RIMS3: variants seen among roughly 807,000 people sequenced by gnomAD.
RIMS3 encodes regulating synaptic membrane exocytosis protein 3.
RIMS3 carries 15 observed loss-of-function variants against 29.2 expected under a neutral mutation model. The observed-to-expected ratio is 0.51, with a 90% CI of 0.34 to 0.79. The LOEUF (loss-of-function observed/expected upper bound fraction) is 0.79, where lower values mean the gene tolerates loss of function less well. Ranked by LOEUF, RIMS3 falls within the 30% of genes least tolerant of loss-of-function variation. The pLI is 0.01. For missense variants in RIMS3, 342 were observed against 421.4 expected (o/e 0.81, Z 1.65); for synonymous variants, 161 against 170.1 (o/e 0.95, Z 0.41).
chr1:40,667,604 G>T (rs971697703), upstream of RIMS3, among the ~76,000 whole-genome samples: 6 of 152,184 alleles, frequency 3.9e-5, no homozygotes, highest in Non-Finnish European at 5.9e-5. Context: ...ATGGGAGGTG[G>T]GTGGAGAGGG....
At chr1:40,680,234 A>C in the RIMS3 span, among the ~76,000 whole-genome samples, 1 of 152,126 alleles carries the variant, frequency 6.6e-6, no homozygotes, top group South Asian at 2.1e-4. Context: ...TACAAGCATC[A>C]TGGAAAACTC....
intron 1 of RIMS3, among the ~76,000 whole-genome samples, chr1:40,650,799 G>A (rs1233288918): frequency 7.5e-6 from 1 of 133,562 alleles, no homozygotes; most frequent in Non-Finnish European, 1.5e-5. Context: ...CTAGGAGGCA[G>A]AAGTTGTAGT....
intron 7 of RIMS3, among the ~76,000 whole-genome samples, chr1:40,627,599 TTTTTTA>T (rs1174820318): frequency 6.6e-6 from 1 of 151,256 alleles, no homozygotes; most frequent in African/African-American, 2.4e-5. Context: ...CCGCAGTTCT[TTTTTTA>T]TTTTTAATTT....
At position 40,643,941 on chromosome 1, in the gene RIMS3, C is replaced by A. The variant is rs1055035142; in HGVS notation, c.-31-1985G>T. On this transcript the variant is annotated intron_variant, in intron 2 of 7. Coordinates refer to ENST00000372684, the MANE Select transcript of RIMS3 (RefSeq NM_014747.3). ...GGGCTGGTTTTGTCCAGGTACCACC[C>A]ACCCCTTGTTTTAGAGGCAGATCTT... Among the ~76,000 whole-genome samples, 3 of 152,182 alleles carry A rather than the reference C, an allele frequency of 2.0e-5. No homozygotes were observed. The East Asian group carries it at 5.8e-4, about 29-fold the overall frequency.
chr1:40,656,011 AAAAC>A (rs563773330), intron 1 of RIMS3, among the ~76,000 whole-genome samples: 202 of 152,074 alleles, frequency 1.3e-3, no homozygotes, highest in African/African-American at 3.0e-3. Context: ...TCCGTCTCAA[AAAAC>A]AAACAAACAA....
chr1:40,629,572 G>A (rs1646476730), intron 5 of RIMS3, among the ~76,000 whole-genome samples, 200 bp from the exon 6 acceptor site: 3 of 152,172 alleles, frequency 2.0e-5, no homozygotes, highest in Non-Finnish European at 4.4e-5. Context: ...GTCCCTTGGG[G>A]TGGGTTGGGG....
At chr1:40,690,980 G>A in the RIMS3 span, 1 of 152,192 alleles carries the variant, frequency 6.6e-6, no homozygotes, top group African/African-American at 2.4e-5. Flanking sequence ...CTTAGATCAA[G>A]TTACTTAACC....
chr1:40,676,580 A>G, the RIMS3 span, among the ~76,000 whole-genome samples: 4 of 152,082 alleles, frequency 2.6e-5, no homozygotes, highest in South Asian at 8.3e-4. Flanking sequence ...TACCCCCTTA[A>G]TACTTTTCTG....
rs187876834 is a variant in RIMS3 at position 40,637,662 on chromosome 1, C to T, written c.218-1605G>A. On this transcript the variant is annotated intron_variant, in intron 3 of 7. Coordinates refer to ENST00000372684, the MANE Select transcript of RIMS3 (RefSeq NM_014747.3). ...AGTCACACAGTCACAAATGGTCCTA[C>T]CAGGTCTTGGTCACATGTACACATG... 3.9e-4 allele frequency among the ~76,000 whole-genome samples: 59 copies of T among 152,306 alleles called. 1 individual carries two copies. In the East Asian group the frequency reaches 8.7e-3, roughly 22 times the overall value.
chr1:40,690,531 G>C, the RIMS3 span: 5 of 152,192 alleles, frequency 3.3e-5, no homozygotes, highest in African/African-American at 4.8e-5. Context: ...TTAGGAATTA[G>C]ATCTTTTTAC....
chr1:40,620,684 T>C lies in RIMS3; in HGVS notation c.*5833A>G, dbSNP rs930860968. The C allele has an allele frequency of 6.6e-6, 1 of 152,632 alleles. No homozygotes were observed. The highest frequency in any genetic ancestry group is 1.5e-5 in the Non-Finnish European group (1 of 68,048). The allele number at this position is 152,632 out of a possible 1,614,324, so 9.5% of individuals were successfully genotyped here. On this transcript the variant is annotated 3_prime_UTR_variant, in exon 8 of 8. Transcript: ENST00000372684. Reference sequence around the variant, plus strand: ...TACAGAAAGCAACACATGAAACCATTTTCAAACTGACTTTAATCATGTTTT... The same window carrying C: ...TACAGAAAGCAACACATGAAACCATCTTCAAACTGACTTTAATCATGTTTT...
intron 5 of RIMS3, 24 bp from the exon 6 acceptor site, chr1:40,629,396 C>G (rs1307090879): frequency 6.3e-7 from 1 of 1,592,800 alleles, no homozygotes. Context: ...GAGGGTGAGT[C>G]CAGGCAGGGC....
rs1331379394 is a variant in RIMS3, at chr1:40,624,888, G to A, written c.*1629C>T. ...GCGTACCCCTGCCTCAGGTGCTGGG[G>A]CCACAGCCATTTCAGCACCTGGGGA... On this transcript the variant is annotated 3_prime_UTR_variant, in exon 8 of 8. Coordinates refer to ENST00000372684, the MANE Select transcript of RIMS3 (RefSeq NM_014747.3). The A allele has an allele frequency of 6.6e-6, 1 of 152,612 alleles. No homozygotes were observed. 9.5% of individuals were successfully genotyped at this position (152,612 alleles called of 1,614,324 possible).
At position 40,625,724 on chromosome 1, in the gene RIMS3, G is replaced by C. The variant is rs1570166470; in HGVS notation, c.*793C>G. On this transcript the variant is annotated 3_prime_UTR_variant, in exon 8 of 8. Transcript: ENST00000372684. The stretch of plus-strand genomic sequence containing the variant: ...AGTGGGGAGGCTTGAAGAGACAGGA[G>C]ATGAAGAACAAATGCTAAGGGGGCA... 1 of 152,858 alleles carries C rather than the reference G, an allele frequency of 6.5e-6. No homozygotes were observed. The highest frequency in any genetic ancestry group is 2.1e-4 in the South Asian group (1 of 4,836). 9.5% of individuals were successfully genotyped at this position (152,858 alleles called of 1,614,324 possible).
At chr1:40,690,943 G>A in the RIMS3 span, 1 of 152,176 alleles carries the variant, frequency 6.6e-6, no homozygotes, top group Admixed American at 6.5e-5. Context: ...ATTCGGATGG[G>A]GTTTTGACAC....
At position 40,625,565 on chromosome 1, in the gene RIMS3, T is replaced by G. The variant is rs1434150959; in HGVS notation, c.*952A>C. On this transcript the variant is annotated 3_prime_UTR_variant, in exon 8 of 8. Transcript: ENST00000372684. ...CCCACAGAACCTCCTTACCGAGTCATGCCCACCAGGAATGAGCCCTGAGGG... is the reference window on the plus strand; with the variant it reads ...CCCACAGAACCTCCTTACCGAGTCAGGCCCACCAGGAATGAGCCCTGAGGG... 1 of 152,192 alleles carries G rather than the reference T, an allele frequency of 6.6e-6. No individual in the cohort carries two copies. The highest frequency in any genetic ancestry group is 2.4e-5 in the African/African-American group (1 of 41,406). 9.4% of individuals were successfully genotyped at this position (152,192 alleles called of 1,614,324 possible).
At chr1:40,628,442 A>T (rs1227529993) in intron 7 of RIMS3, among the ~76,000 whole-genome samples, 1 of 152,158 alleles carries the variant, frequency 6.6e-6, no homozygotes, top group Non-Finnish European at 1.5e-5. Context: ...AATCACACCT[A>T]CTCCACAGGA....
intron 2 of RIMS3, among the ~76,000 whole-genome samples, chr1:40,642,683 CA>C (rs1224474106): frequency 1.3e-5 from 2 of 152,118 alleles, no homozygotes; most frequent in African/African-American, 4.8e-5. Context: ...TGGTCGGGCA[CA>C]GTGGCTCATG....
chr1:40,669,719 A>G (rs1255652881), upstream of RIMS3: 2 of 152,202 alleles, frequency 1.3e-5, no homozygotes, highest in Admixed American at 6.5e-5. Context: ...TAGACCACAG[A>G]TGGGGCTGAA....
Sources: allele counts gnomAD v4.1 joint callset (sites outside exome capture counted in the v4.1 genomes callset), GRCh38; gene constraint gnomAD v4.1.1; transcripts MANE v1.5; gene names NCBI Gene and HGNC (gene_info 2026-07-23, HGNC 2026-07-21).